The following GNAO1 variants were observed in gnomAD, a reference collection of about 807,000 sequenced individuals.
The protein encoded by GNAO1 is guanine nucleotide-binding protein G(o) subunit alpha.
For missense variants in GNAO1, 166 were observed against 478.7 expected (o/e 0.35, Z 6.10); for synonymous variants, 164 against 180.7 (o/e 0.91, Z 0.74).
chr16:56,205,168 G>A (rs1321341570), intron 2 of GNAO1, among the ~76,000 whole-genome samples: 8 of 152,206 alleles, frequency 5.3e-5, no homozygotes, highest in African/African-American at 1.9e-4. Context: ...TGCGATGTAG[G>A]AATTTGTCTT....
intron 3 of GNAO1, among the ~76,000 whole-genome samples, chr16:56,296,086 C>G (rs528319061): frequency 6.6e-6 from 1 of 152,186 alleles, no homozygotes; most frequent in East Asian, 1.9e-4. Context: ...AAGCCAATTA[C>G]TGATTTCCTG....
At chr16:56,300,008 C>CGTGTGTGTGTGTGTGTGTGTGTGT (rs71381116) in intron 3 of GNAO1, among the ~76,000 whole-genome samples, 32 of 129,766 alleles carry the variant, frequency 2.5e-4, no homozygotes, top group East Asian at 1.5e-3. Context: ...GATTGGGGTT[C>CGTGTGTGTGTGTGTGTGTGTGTGT]GTGTGTGTGT....
At chr16:56,241,979 G>A (rs2036697861) in intron 2 of GNAO1, among the ~76,000 whole-genome samples, 1 of 152,184 alleles carries the variant, frequency 6.6e-6, no homozygotes, top group South Asian at 2.1e-4. Flanking sequence ...CTGGAAAAGG[G>A]CTAAATCCCA....
At chr16:56,310,708 A>G (rs1176825401) in intron 3 of GNAO1, among the ~76,000 whole-genome samples, 1 of 152,204 alleles carries the variant, frequency 6.6e-6, no homozygotes, top group African/African-American at 2.4e-5. Flanking sequence ...AAGAAGGACA[A>G]TGGCAGAATG....
intron 3 of GNAO1, among the ~76,000 whole-genome samples, chr16:56,288,854 G>A (rs1268459368): frequency 2.0e-5 from 3 of 152,076 alleles, no homozygotes; most frequent in Non-Finnish European, 2.9e-5. Flanking sequence ...GGTGACCTCA[G>A]GCCCATCCCT....
At chr16:56,319,601 C>T (rs998332297) in intron 3 of GNAO1, among the ~76,000 whole-genome samples, 12 of 152,164 alleles carry the variant, frequency 7.9e-5, no homozygotes, top group African/African-American at 2.9e-4. Flanking sequence ...CAGGGTGCTG[C>T]TTCCCCAGCA....
chr16:56,247,594 A>G (rs2036760756), intron 2 of GNAO1, among the ~76,000 whole-genome samples: 1 of 150,508 alleles, frequency 6.6e-6, no homozygotes, highest in Non-Finnish European at 1.5e-5. Context: ...TCTTGTGCAT[A>G]CATAATAGGT....
intron 3 of GNAO1, among the ~76,000 whole-genome samples, chr16:56,310,221 G>A (rs533414618): frequency 3.3e-5 from 5 of 152,162 alleles, no homozygotes; most frequent in South Asian, 2.1e-4. Flanking sequence ...CTAGGTACTC[G>A]CAGGAGGCTG....
intron 3 of GNAO1, among the ~76,000 whole-genome samples, chr16:56,316,272 C>A (rs2037508662): frequency 6.6e-6 from 1 of 152,178 alleles, no homozygotes; most frequent in South Asian, 2.1e-4. Flanking sequence ...GAAGGCCTGG[C>A]ATTTCCTCTG....
intron 2 of GNAO1, among the ~76,000 whole-genome samples, chr16:56,218,304 T>C (rs1291210204): frequency 6.6e-6 from 1 of 152,226 alleles, no homozygotes; most frequent in African/African-American, 2.4e-5. Context: ...GTGAGTTGTA[T>C]CTGGGCCTCC....
chr16:56,345,351 C>T lies in GNAO1; in HGVS notation c.724-6033C>T, dbSNP rs989870878. 18 of 985,494 alleles carry T rather than the reference C, an allele frequency of 1.8e-5. No homozygotes were observed. The South Asian group carries it at 7.0e-4, about 39-fold the overall frequency. The allele number at this position is 985,494 out of a possible 1,614,324, so 61.0% of individuals were successfully genotyped here. The stretch of plus-strand genomic sequence containing the variant: ...AGGCCTCTGCCTCCCTCCTCAAGCC[C>T]TCTGTTCTCCCTGCCCCCACTCTGG... On this transcript the variant is annotated intron_variant, in intron 6 of 8. Transcript: ENST00000262493.
chr16:56,286,705 G>C (rs1211818192), intron 3 of GNAO1, among the ~76,000 whole-genome samples: 1 of 139,840 alleles, frequency 7.2e-6, no homozygotes, highest in African/African-American at 3.1e-5. Flanking sequence ...CTGTGTGTGT[G>C]TGTGTGTGTG....
At chr16:56,346,276 T>C in intron 6 of GNAO1, 3 of 985,466 alleles carry the variant, frequency 3.0e-6, no homozygotes, top group Non-Finnish European at 3.6e-6. Context: ...AAATGAGATT[T>C]GGCTCCGTCG....
rs1345475439 is a variant in GNAO1, at chr16:56,191,761, G to GCCGCCT, written c.-472_-467dup. 1 of 210,158 alleles carries GCCGCCT rather than the reference G, an allele frequency of 4.8e-6. No homozygotes were observed. The highest frequency in any genetic ancestry group is 9.4e-6 in the Non-Finnish European group (1 of 106,288). 13.0% of individuals were successfully genotyped at this position (210,158 alleles called of 1,614,324 possible). A position where few individuals can be genotyped will look rare whatever the true frequency, so the allele number is the denominator to read the frequency against. On this transcript the variant is annotated 5_prime_UTR_variant, in exon 1 of 9. Coordinates refer to ENST00000262493, the MANE Select transcript of GNAO1 (RefSeq NM_020988.3). The surrounding 1 kb of genome is among the most constrained non-coding windows in gnomAD (Gnocchi z 4.7). The stretch of plus-strand genomic sequence containing the variant: ...TCCCTCCACATCCCGCGCCGCCGCC[G>GCCGCCT]CCGCCTCCTCCACCTCCTCCTCCGC...
intron 2 of GNAO1, among the ~76,000 whole-genome samples, chr16:56,203,350 A>C (rs1424286671): frequency 6.6e-6 from 1 of 152,104 alleles, no homozygotes; most frequent in Non-Finnish European, 1.5e-5. Flanking sequence ...GACTCAAGTG[A>C]GGCCAATCAT....
intron 2 of GNAO1, among the ~76,000 whole-genome samples, chr16:56,274,286 A>G (rs558143670): frequency 6.6e-6 from 1 of 152,132 alleles, no homozygotes; most frequent in Non-Finnish European, 1.5e-5. Flanking sequence ...CTGGTTTTCT[A>G]GTTGTTTACA....
rs2037966033 is a variant in GNAO1 at position 56,356,154 on chromosome 16, T to G, written c.*80T>G. 1 of 152,670 alleles carries G rather than the reference T, an allele frequency of 6.6e-6. No homozygotes were observed. Among genetic ancestry groups the G allele is most frequent in the African/African-American group, 2.4e-5 (1 of 41,456 alleles). 9.5% of individuals were successfully genotyped at this position (152,670 alleles called of 1,614,324 possible). A position where few individuals can be genotyped will look rare whatever the true frequency, so the allele number is the denominator to read the frequency against. On this transcript the variant is annotated 3_prime_UTR_variant, in exon 9 of 9. Coordinates refer to ENST00000262493, the MANE Select transcript of GNAO1 (RefSeq NM_020988.3). The stretch of plus-strand genomic sequence containing the variant: ...ACGTTGATCTCCTGGTAGCATGACC[T>G]TTTGGCCTTTGTAAGACACACAGCC...
intron 2 of GNAO1, chr16:56,213,129 A>C (rs1438170879): frequency 7.7e-6 from 3 of 390,128 alleles, no homozygotes; most frequent in Non-Finnish European, 1.4e-5. Context: ...CGCTCTAGGA[A>C]TTCTTCCAGG....
chr16:56,349,758 C>T (rs1359144007), intron 6 of GNAO1, among the ~76,000 whole-genome samples: 1 of 152,138 alleles, frequency 6.6e-6, no homozygotes. Context: ...GAGAACGCTG[C>T]CCTCCGCCGA....
Sources: allele counts gnomAD v4.1 joint callset (sites outside exome capture counted in the v4.1 genomes callset), GRCh38; gene constraint gnomAD v4.1.1; non-coding constraint Gnocchi (gnomAD v3.1); transcripts MANE v1.5; gene names NCBI Gene and HGNC (gene_info 2026-07-23, HGNC 2026-07-21).